The following MAPK11 variants were observed in gnomAD, a reference collection of about 807,000 sequenced individuals.
The protein encoded by MAPK11 is mitogen-activated protein kinase 11.
Under a neutral mutation model 52.2 loss-of-function variants are expected in MAPK11, and 44 were observed. That is an observed-to-expected ratio of 0.84 (90% CI 0.66 to 1.08). MAPK11 has a LOEUF of 1.08. Ranked by LOEUF, MAPK11 falls within the 50% of genes least tolerant of loss-of-function variation. The pLI, the probability that MAPK11 is intolerant of heterozygous loss-of-function variation, is 0.00. For synonymous variants in MAPK11, 233 were observed against 206.3 expected (o/e 1.13, Z -1.11); for missense variants, 436 against 494.7 (o/e 0.88, Z 1.13).
chr22:50,267,504 AG>A (rs1410977828), intron 3 of MAPK11, 22 bp from the exon 4 acceptor site: 1 of 1,586,374 alleles, frequency 6.3e-7, no homozygotes, highest in Non-Finnish European at 8.6e-7. Context: ...TCAGGGGGTC[AG>A]GACAGGGCCC....
At chr22:50,266,090 G>T in intron 9 of MAPK11, 136 bp downstream of exon 9, 1 of 693,600 alleles carries the variant, frequency 1.4e-6, no homozygotes, top group Non-Finnish European at 2.4e-6. Flanking sequence ...CAGGGATTGG[G>T]CACCTGCCCT....
chr22:50,269,094 G>A (rs966936326), intron 1 of MAPK11, among the ~76,000 whole-genome samples: 3 of 152,082 alleles, frequency 2.0e-5, no homozygotes, highest in African/African-American at 7.2e-5. Flanking sequence ...ACTCCCAGAC[G>A]GCGAGTCCAG....
chr22:50,265,731 C>T, intron 9 of MAPK11, 71 bp from the exon 10 acceptor site: 1 of 967,320 alleles, frequency 1.0e-6, no homozygotes, highest in Non-Finnish European at 1.6e-6. Flanking sequence ...TGGGGCTTCT[C>T]TTGGCAAGCC....
rs34559357 is a variant in MAPK11 at position 50,266,739 on chromosome 22, AG to A, written c.611-129del. Reference sequence around the variant, plus strand: ...TCTGCCATACCCAACCCCCCTAGGCAGGGGGAGGTCCATAGCTGCACAGCCA... The same window carrying A: ...TCTGCCATACCCAACCCCCCTAGGCAGGGGAGGTCCATAGCTGCACAGCCA... On this transcript the variant is annotated intron_variant, in intron 7 of 11. Transcript: ENST00000330651. 1.9e-5 allele frequency: 20 copies of A among 1,027,688 alleles called. No homozygotes were observed. The East Asian group carries it at 4.1e-4, about 21-fold the overall frequency. 63.7% of individuals were successfully genotyped at this position (1,027,688 alleles called of 1,614,324 possible).
In MAPK11 at chr22:50,264,740, GC is replaced by G; in HGVS notation, c.*207del. The G allele has an allele frequency of 1.9e-6, 1 of 537,166 alleles. No homozygotes were observed. Among genetic ancestry groups the G allele is most frequent in the South Asian group, 2.1e-5 (1 of 46,694 alleles). 33.3% of individuals were successfully genotyped at this position (537,166 alleles called of 1,614,324 possible). A position where few individuals can be genotyped will look rare whatever the true frequency, so the allele number is the denominator to read the frequency against. On this transcript the variant is annotated 3_prime_UTR_variant, in exon 12 of 12. Transcript: ENST00000330651. Reference sequence around the variant, plus strand: ...CCAAGGTAGGCCCAGGGACACTTGTGCCCAGACTCCTACACATGGCAAGCAC... The same window carrying G: ...CCAAGGTAGGCCCAGGGACACTTGTGCCAGACTCCTACACATGGCAAGCAC...
At position 50,264,819 on chromosome 22, in the gene MAPK11, G is replaced by A. The variant is rs769072464; in HGVS notation, c.*129C>T. On this transcript the variant is annotated 3_prime_UTR_variant, in exon 12 of 12. Transcript: ENST00000330651. ...CATGCGTGTAGATTCTCCTGAAGGC[G>A]AGGGGTCCTAGGCCAGAAGTCTGTG... is the stretch of plus-strand genomic sequence containing the variant. 20 of 604,382 alleles carry A rather than the reference G, an allele frequency of 3.3e-5. No homozygotes were observed. The highest frequency in any genetic ancestry group is 9.4e-5 in the African/African-American group (5 of 53,148). The allele number at this position is 604,382 out of a possible 1,614,324, so 37.4% of individuals were successfully genotyped here.
Position 50,264,806 on chromosome 22 carries a change from T to TCTCGGTGG in MAPK11, c.*141_*142insCCACCGAG. 1.6e-6 allele frequency: 1 copy of TCTCGGTGG among 614,670 alleles called. No homozygotes were observed. The highest frequency in any genetic ancestry group is 2.9e-6 in the Non-Finnish European group (1 of 349,802). 38.1% of individuals were successfully genotyped at this position (614,670 alleles called of 1,614,324 possible). On this transcript the variant is annotated 3_prime_UTR_variant, in exon 12 of 12. Transcript: ENST00000330651. ...TTGTGCATGCATACATGCGTGTAGA[T>TCTCGGTGG]TCTCCTGAAGGCGAGGGGTCCTAGG...
chr22:50,268,345 A>T (rs528186003), intron 1 of MAPK11, among the ~76,000 whole-genome samples: 1 of 152,182 alleles, frequency 6.6e-6, no homozygotes, highest in African/African-American at 2.4e-5. Flanking sequence ...CCTCTGCCCC[A>T]TAGACCCCAT....
At position 50,270,152 on chromosome 22, in the gene MAPK11, A is replaced by G; in HGVS notation, c.116+25T>C. ...CTCCGGCCCGGCCCGGCCCCCACCC[A>G]GCACCCCTTCTGCCCCGCCCCTACC... On this transcript the variant is annotated intron_variant, in intron 1 of 11. Coordinates refer to ENST00000330651, the MANE Select transcript of MAPK11 (RefSeq NM_002751.7). The surrounding 1 kb of genome is among the most constrained non-coding windows in gnomAD (Gnocchi z 6.3). 9.5e-7 allele frequency: 1 copy of G among 1,047,346 alleles called. No individual in the cohort carries two copies. The highest frequency in any genetic ancestry group is 1.3e-6 in the Non-Finnish European group (1 of 785,724). The allele number at this position is 1,047,346 out of a possible 1,614,324, so 64.9% of individuals were successfully genotyped here.
At chr22:50,268,911 G>C (rs1354584478) in intron 1 of MAPK11, among the ~76,000 whole-genome samples, 2 of 152,136 alleles carry the variant, frequency 1.3e-5, no homozygotes, top group African/African-American at 4.8e-5. Context: ...AGGTGGTGAG[G>C]GGAGTGGCCC....
chr22:50,267,991 G>T, intron 1 of MAPK11, 42 bp from the exon 2 acceptor site: 1 of 1,498,586 alleles, frequency 6.7e-7, no homozygotes, highest in South Asian at 1.3e-5. Flanking sequence ...AGGGGTCCGA[G>T]GGCGGCCGCA....
Position 50,270,207 on chromosome 22 carries a change from G to A in MAPK11, c.86C>T (p.Pro29Leu), listed in dbSNP as rs778413667. The change falls in exon 1 of 12, where the codon CCG becomes CTG. Residue 29 changes from proline (P) to leucine (L), a missense_variant. By Grantham distance (98) the Pro-to-Leu change is moderately conservative. Transcript: ENST00000330651. This position sits in a 1 kb window ranked among gnomAD's most constrained non-coding sequence, Gnocchi z 6.3. ...EVPQRLQGLR[P>L]VGSGAYGSVC... Reference sequence around the variant, plus strand: ...GGAGCCGTAGGCGCCGGAGCCCACCGGGCGCAGCCCCTGCAGCCGCTGCGG... The same window carrying A: ...GGAGCCGTAGGCGCCGGAGCCCACCAGGCGCAGCCCCTGCAGCCGCTGCGG... 1.3e-6 allele frequency: 2 copies of A among 1,494,364 alleles called. No individual in the cohort carries two copies. Among genetic ancestry groups the A allele is most frequent in the African/African-American group, 1.5e-5 (1 of 68,848 alleles). 92.6% of individuals were successfully genotyped at this position (1,494,364 alleles called of 1,614,324 possible).
chr22:50,268,463 T>C (rs1236062445), intron 1 of MAPK11, among the ~76,000 whole-genome samples: 1 of 152,180 alleles, frequency 6.6e-6, no homozygotes, highest in Non-Finnish European at 1.5e-5. Context: ...CAGAGGTGTT[T>C]ATTGCATCAT....
chr22:50,268,830 G>C (rs1295314636), intron 1 of MAPK11, among the ~76,000 whole-genome samples: 1 of 152,240 alleles, frequency 6.6e-6, no homozygotes, highest in Non-Finnish European at 1.5e-5. Context: ...GGTCTGGGAT[G>C]CTCATGGGCG....
Position 50,270,110 on chromosome 22 carries a change from C to A in MAPK11, c.116+67G>T. On this transcript the variant is annotated intron_variant, in intron 1 of 11. Coordinates refer to ENST00000330651, the MANE Select transcript of MAPK11 (RefSeq NM_002751.7). The surrounding 1 kb of genome is among the most constrained non-coding windows in gnomAD (Gnocchi z 6.3). ...CCCCACGCCGAGAACCTCGCGCGGG[C>A]GAGGAGGGGACGCGCTCTCCGGCCC... The A allele has an allele frequency of 3.7e-6, 3 of 815,540 alleles. No homozygotes were observed. The highest frequency in any genetic ancestry group is 5.1e-6 in the Non-Finnish European group (3 of 590,480). The allele number at this position is 815,540 out of a possible 1,614,324, so 50.5% of individuals were successfully genotyped here.
chr22:50,266,766 G>C, intron 7 of MAPK11, 155 bp from the exon 8 acceptor site: 4 of 949,130 alleles, frequency 4.2e-6, no homozygotes, highest in Non-Finnish European at 6.6e-6. Flanking sequence ...TGCACAGCCA[G>C]AGGAGGCCAG....
At chr22:50,266,864 G>T in intron 7 of MAPK11, 70 bp downstream of exon 7, 1 of 1,441,228 alleles carries the variant, frequency 6.9e-7, no homozygotes. Flanking sequence ...CCTAAGACCT[G>T]GCATGCAGAG....
intron 11 of MAPK11, 95 bp from the exon 12 acceptor site, chr22:50,265,122 C>A: frequency 8.0e-7 from 1 of 1,242,606 alleles, no homozygotes; most frequent in South Asian, 1.3e-5. Context: ...GGCCCACCAC[C>A]CTGTGACAGC....
chr22:50,269,502 G>A (rs755555639), intron 1 of MAPK11, among the ~76,000 whole-genome samples: 22 of 152,234 alleles, frequency 1.4e-4, no homozygotes, highest in Non-Finnish European at 2.2e-4. Flanking sequence ...TCAACATGGA[G>A]GCTGAAACTT....
Sources: gnomAD v4.1 joint callset for allele counts (sites outside exome capture counted in the v4.1 genomes callset) on GRCh38, gnomAD v4.1.1 for gene constraint, Gnocchi (gnomAD v3.1) non-coding constraint, MANE v1.5 for transcripts, NCBI Gene and HGNC (gene_info 2026-07-23, HGNC 2026-07-21) for gene names.